Variants in GADL1 observed in about 807,000 individuals in gnomAD.
GADL1 encodes the protein acidic amino acid decarboxylase GADL1.
In GADL1, 71 loss-of-function variants were observed where a neutral mutation model predicts 69.5. That is an observed-to-expected ratio of 1.02 (90% CI 0.84 to 1.25). GADL1 has a LOEUF of 1.25. GADL1 is among the 50% of genes most tolerant of loss of function. GADL1 has a pLI of 0.00. For missense variants in GADL1, 737 were observed against 631.8 expected, an observed-to-expected ratio of 1.17 and a Z score of -1.79; for synonymous variants, 254 against 214.4, an observed-to-expected ratio of 1.18 and a Z score of -1.62.
intron 14 of GADL1, among the ~76,000 whole-genome samples, chr3:30,756,677 C>T (rs1425134438): frequency 6.6e-6 from 1 of 152,172 alleles, no homozygotes; most frequent in Non-Finnish European, 1.5e-5. Flanking sequence ...CTGGATTAGC[C>T]TGATTGGGAA....
rs1553636119 is a variant in GADL1, at chr3:30,758,193, T to TTGTAG, written c.1392+19981_1392+19985dup. The stretch of plus-strand genomic sequence containing the variant: ...TGGCTTTACTCAACATTCTTTGCCT[T>TTGTAG]TGTAGTACATTCCTATCTGCCAAGT... On this transcript the variant is annotated intron_variant, in intron 14 of 14. Coordinates refer to ENST00000282538, the MANE Select transcript of GADL1 (RefSeq NM_207359.3). 3.9e-5 allele frequency among the ~76,000 whole-genome samples: 6 copies of TTGTAG among 152,292 alleles called. No homozygotes were observed. In the South Asian group the frequency reaches 1.2e-3, roughly 32 times the overall value.
intron 14 of GADL1, among the ~76,000 whole-genome samples, chr3:30,753,128 T>G (rs1021171724): frequency 6.6e-6 from 1 of 150,652 alleles, no homozygotes; most frequent in Admixed American, 6.6e-5. Context: ...GAGTCAGTTA[T>G]TTAGTCTGAT....
intron 14 of GADL1, among the ~76,000 whole-genome samples, chr3:30,766,541 CAT>C (rs918761873): frequency 1.1e-4 from 16 of 146,000 alleles, no homozygotes; most frequent in African/African-American, 3.1e-4. Flanking sequence ...AAATCCATAA[CAT>C]ATCATTACTG....
chr3:30,810,450 T>C (rs1191199200), intron 11 of GADL1, among the ~76,000 whole-genome samples: 1 of 152,198 alleles, frequency 6.6e-6, no homozygotes, highest in Non-Finnish European at 1.5e-5. Context: ...TCTGTGTTTG[T>C]CTTCCACCTT....
intron 12 of GADL1, among the ~76,000 whole-genome samples, chr3:30,796,545 C>G (rs1697036022): frequency 6.6e-6 from 1 of 152,150 alleles, no homozygotes; most frequent in Non-Finnish European, 1.5e-5. Flanking sequence ...AATAATTAAA[C>G]TTTCCTCGGG....
intron 8 of GADL1, among the ~76,000 whole-genome samples, chr3:30,841,184 T>C (rs547975000): frequency 3.3e-5 from 5 of 152,176 alleles, no homozygotes; most frequent in Non-Finnish European, 7.3e-5. Flanking sequence ...TCATCATGTA[T>C]TATTATCTCA....
intron 14 of GADL1, among the ~76,000 whole-genome samples, chr3:30,739,690 T>G (rs1334856800): frequency 3.3e-5 from 5 of 152,264 alleles, no homozygotes; most frequent in African/African-American, 1.2e-4. Context: ...ACTTTTAAAG[T>G]CCCAAGTGTT....
At chr3:30,792,309 A>C (rs1696941192) in intron 12 of GADL1, among the ~76,000 whole-genome samples, 1 of 152,298 alleles carries the variant, frequency 6.6e-6, no homozygotes, top group South Asian at 2.1e-4. Context: ...ATGGTGGCTT[A>C]TGCCTATAAT....
chr3:30,868,414 C>G (rs1054491373), intron 1 of GADL1, among the ~76,000 whole-genome samples: 1 of 152,020 alleles, frequency 6.6e-6, no homozygotes, highest in African/African-American at 2.4e-5. Context: ...ATTAATAAAG[C>G]TTTTATTGAC....
chr3:30,754,109 C>T (rs1470772092), intron 14 of GADL1, among the ~76,000 whole-genome samples: 1 of 152,184 alleles, frequency 6.6e-6, no homozygotes, highest in African/African-American at 2.4e-5. Flanking sequence ...CGTCTGATTG[C>T]TAATGTGCCT....
Position 30,881,616 on chromosome 3 carries a change from G to C in GADL1, c.37+12962C>G, listed in dbSNP as rs141031785. Among the ~76,000 whole-genome samples, 206 of 152,024 alleles carry C rather than the reference G, an allele frequency of 1.4e-3. 2 individuals are homozygous for C. Among genetic ancestry groups the C allele is most frequent in the African/African-American group, 4.7e-3 (195 of 41,514 alleles). ...GAACAGCAATCTGAGATTGTTCAAT[G>C]AAGGGACAAACAACTGGACACATCT... On this transcript the variant is annotated intron_variant, in intron 1 of 14. Transcript: ENST00000282538.
chr3:30,746,421 T>C (rs1695703786), intron 14 of GADL1, among the ~76,000 whole-genome samples: 2 of 152,198 alleles, frequency 1.3e-5, no homozygotes, highest in Non-Finnish European at 1.5e-5. Context: ...ATGATTTTAA[T>C]GTGAAACCAA....
At chr3:30,773,752 T>C (rs1477829386) in intron 14 of GADL1, among the ~76,000 whole-genome samples, 1 of 152,198 alleles carries the variant, frequency 6.6e-6, no homozygotes, top group Non-Finnish European at 1.5e-5. Flanking sequence ...ATGAATGTCT[T>C]AGTAGCTTCT....
chr3:30,740,550 C>T (rs1325882651), intron 14 of GADL1, among the ~76,000 whole-genome samples: 1 of 152,016 alleles, frequency 6.6e-6, no homozygotes, highest in Non-Finnish European at 1.5e-5. Flanking sequence ...ACAATTGAAC[C>T]TCTACGTACG....
At position 30,769,884 on chromosome 3, in the gene GADL1, C is replaced by G. The variant is rs544525440; in HGVS notation, c.1392+8295G>C. On this transcript the variant is annotated intron_variant, in intron 14 of 14. Coordinates refer to ENST00000282538, the MANE Select transcript of GADL1 (RefSeq NM_207359.3). ...GAGCAAAGATGAAGGGACAAACTCTCATCTCAAGGAGCTTCCAGTGACACA... is the reference window on the plus strand; with the variant it reads ...GAGCAAAGATGAAGGGACAAACTCTGATCTCAAGGAGCTTCCAGTGACACA... 5.1e-5 allele frequency among the ~76,000 whole-genome samples: 3 copies of G among 59,240 alleles called. No homozygotes were observed. The East Asian group carries it at 1.6e-3, about 31-fold the overall frequency. The allele number at this position is 59,240 out of a possible 152,430, so 38.9% of individuals were successfully genotyped here.
At chr3:30,789,869 T>C (rs560417659) in intron 12 of GADL1, among the ~76,000 whole-genome samples, 117 of 152,218 alleles carry the variant, frequency 7.7e-4, no homozygotes, top group Non-Finnish European at 1.5e-3. Context: ...AATTGGGCTT[T>C]GGCTTAAGGC....
In GADL1 at chr3:30,834,271, C is replaced by A. The variant is rs759593970; in HGVS notation, c.914G>T (p.Gly305Val). The A allele has an allele frequency of 1.7e-5, 28 of 1,612,124 alleles. No individual in the cohort carries two copies. The highest frequency in any genetic ancestry group is 2.2e-5 in the Non-Finnish European group (26 of 1,178,678). Reference sequence around the variant, plus strand: ...CTTCCTCGACATCAAAGCTGAGCCACCCCAAGAAGCCTGTTGAGATATTTA... The same window carrying A: ...CTTCCTCGACATCAAAGCTGAGCCAACCCAAGAAGCCTGTTGAGATATTTA... ...SLWLHVDASW[G>V]GSALMSRKHR... Residue 305 changes from glycine (G) to valine (V), a missense_variant, in exon 10 of 15, where the codon GGT (glycine) becomes GTT (valine). By Grantham distance (109) the Gly-to-Val change is moderately radical. Transcript: ENST00000282538.
In GADL1 at chr3:30,850,931, C is replaced by T; in HGVS notation, c.439G>A (p.Glu147Lys). ...EALNPSVYTYEVSPVFLLVEE... is the reference protein window; with the variant it reads ...EALNPSVYTYKVSPVFLLVEE... The stretch of plus-strand genomic sequence containing the variant: ...ACTAACAGAAACACTGGGGACACCT[C>T]ATACGTATAACTAGATAGATATAAA... Residue 147 changes from glutamate to lysine, a missense_variant, in exon 5 of 15, where the codon GAG becomes AAG. Physicochemically the swap from Glu to Lys is moderately conservative, Grantham distance 56 (BLOSUM62 1). Coordinates refer to ENST00000282538, the MANE Select transcript of GADL1 (RefSeq NM_207359.3). The T allele has an allele frequency of 6.5e-7, 1 of 1,531,894 alleles. No individual in the cohort carries two copies. The highest frequency in any genetic ancestry group is 8.9e-7 in the Non-Finnish European group (1 of 1,129,326). The allele number at this position is 1,531,894 out of a possible 1,614,324, so 94.9% of individuals were successfully genotyped here.
intron 14 of GADL1, among the ~76,000 whole-genome samples, chr3:30,738,478 A>G (rs1241892779): frequency 6.6e-6 from 1 of 152,144 alleles, no homozygotes; most frequent in East Asian, 1.9e-4. Flanking sequence ...TTTTCTTGAC[A>G]TATCCTGAGA....
Sources: allele counts gnomAD v4.1 joint callset (sites outside exome capture counted in the v4.1 genomes callset), GRCh38; gene constraint gnomAD v4.1.1; transcripts MANE v1.5; gene names NCBI Gene and HGNC (gene_info 2026-07-23, HGNC 2026-07-21).